SNRNP48: variants seen among roughly 807,000 people sequenced by gnomAD.
SNRNP48 encodes the protein small nuclear ribonucleoprotein U11/U12 subunit 48, also known as U11/U12 small nuclear ribonucleoprotein 48 kDa protein.
SNRNP48 carries 43 observed loss-of-function variants against 47.0 expected under a neutral mutation model. The ratio of observed to expected loss-of-function variants is 0.92; its 90% CI spans 0.72 to 1.18. The LOEUF is 1.18. Ranked by LOEUF, SNRNP48 falls within the 50% of genes most tolerant of loss-of-function variation. SNRNP48 has a pLI of 0.00. For synonymous variants in SNRNP48, 138 were observed against 144.0 expected, an observed-to-expected ratio of 0.96 and a Z score of 0.30; for missense variants, 396 against 422.2, an observed-to-expected ratio of 0.94 and a Z score of 0.54.
chr6:7,608,757 T>TACTGTTGAATC, intron 8 of SNRNP48, 68 bp from the exon 9 acceptor site: 1 of 815,928 alleles, frequency 1.2e-6, no homozygotes, highest in Non-Finnish European at 1.8e-6. Context: ...ACTGTTGAAT[T>TACTGTTGAATC]ATTTTAAAGC....
chr6:7,592,346 C>A (rs551269052), intron 1 of SNRNP48, among the ~76,000 whole-genome samples: 20 of 150,232 alleles, frequency 1.3e-4, no homozygotes, highest in African/African-American at 3.9e-4. Flanking sequence ...CTTAAAGGTC[C>A]TTGTCAGCCA....
In SNRNP48 at chr6:7,590,308, G is replaced by T; in HGVS notation, c.51G>T (p.Glu17Asp). ...AGGAGCGGCGGCGGCTGCAGGAGGA[G>T]CTGAACGAGTTCGTGGAGAGCGGCT... is the stretch of plus-strand genomic sequence containing the variant. ...PVEERRRLQE[E>D]LNEFVESGCR... is the part of the protein sequence containing the mutation. The change falls in exon 1 of 9, where the codon GAG becomes GAT. Residue 17 changes from glutamate to aspartate, a missense_variant. Coordinates refer to ENST00000342415, the MANE Select transcript of SNRNP48 (RefSeq NM_152551.4). 1 of 1,396,276 alleles carries T rather than the reference G, an allele frequency of 7.2e-7. No homozygotes were observed. The highest frequency in any genetic ancestry group is 9.4e-7 in the Non-Finnish European group (1 of 1,061,052). The allele number at this position is 1,396,276 out of a possible 1,614,324, so 86.5% of individuals were successfully genotyped here. A position where few individuals can be genotyped will look rare whatever the true frequency, so the allele number is the denominator to read the frequency against.
At chr6:7,601,030 A>G (rs1760008747) in intron 4 of SNRNP48, 1 of 202,656 alleles carries the variant, frequency 4.9e-6, no homozygotes, top group African/African-American at 2.3e-5. Context: ...TGTTACCCAA[A>G]AGGCTTTCTT....
chr6:7,603,557 T>TA (rs965357035), intron 6 of SNRNP48, among the ~76,000 whole-genome samples: 1 of 152,220 alleles, frequency 6.6e-6, no homozygotes, highest in Admixed American at 6.5e-5. Context: ...TAATTATTCT[T>TA]ACCTCCATGC....
intron 3 of SNRNP48, 30 bp from the exon 4 acceptor site, chr6:7,594,997 T>C (rs766699395): frequency 8.4e-6 from 13 of 1,546,162 alleles, no homozygotes; most frequent in Non-Finnish European, 1.1e-5. Context: ...TGATTCATAT[T>C]GTATTTATGG....
chr6:7,590,377 A>G lies in SNRNP48; in HGVS notation c.120A>G (p.Leu40=), dbSNP rs1759793124. 1.5e-6 allele frequency: 2 copies of G among 1,360,494 alleles called. No homozygotes were observed. The highest frequency in any genetic ancestry group is 3.0e-5 in the African/African-American group (2 of 67,384). 84.3% of individuals were successfully genotyped at this position (1,360,494 alleles called of 1,614,324 possible). ...TGACCGCGTCCCTGGGCTGGGACCT[A>G]GATAGTCTGGATCCCGGGGAAGAGG... ...EEVTASLGWD[L]DSLDPGEEEA... Residue 40 remains leucine, a synonymous_variant, in exon 1 of 9, where the codon CTA becomes CTG. Coordinates refer to ENST00000342415, the MANE Select transcript of SNRNP48 (RefSeq NM_152551.4).
intron 2 of SNRNP48, 81 bp downstream of exon 2, chr6:7,593,928 G>A: frequency 8.6e-7 from 1 of 1,164,110 alleles, no homozygotes; most frequent in Non-Finnish European, 1.2e-6. Context: ...AAGTTACAAT[G>A]TGAGGTTCAC....
chr6:7,590,338 G>A lies in SNRNP48; in HGVS notation c.81G>A (p.Arg27=). ...ELNEFVESGC[R]TLEEVTASLG... ...ACGAGTTCGTGGAGAGCGGCTGCCG[G>A]ACGTTGGAGGAGGTGACCGCGTCCC... Residue 27 remains arginine, a synonymous_variant, in exon 1 of 9, where the codon CGG becomes CGA. Transcript: ENST00000342415. 2 of 1,402,600 alleles carry A rather than the reference G, an allele frequency of 1.4e-6. No individual in the cohort carries two copies. Among genetic ancestry groups the A allele is most frequent in the Non-Finnish European group, 1.9e-6 (2 of 1,065,112 alleles). 86.9% of individuals were successfully genotyped at this position (1,402,600 alleles called of 1,614,324 possible).
rs929588252 is a variant in SNRNP48, at chr6:7,609,097, T to A, written c.*224T>A. 6.9e-6 allele frequency: 2 copies of A among 289,390 alleles called. No individual in the cohort carries two copies. The highest frequency in any genetic ancestry group is 4.3e-5 in the African/African-American group (2 of 46,128). The allele number at this position is 289,390 out of a possible 1,614,324, so 17.9% of individuals were successfully genotyped here. A position where few individuals can be genotyped will look rare whatever the true frequency, so the allele number is the denominator to read the frequency against. On this transcript the variant is annotated 3_prime_UTR_variant, in exon 9 of 9. Transcript: ENST00000342415. ...TTTGTTTTCCTTATATTTTATTAGA[T>A]GATTTGCTTCCTATAACTGATGTTG...
At chr6:7,601,096 T>G in intron 4 of SNRNP48, 1 of 331,582 alleles carries the variant, frequency 3.0e-6, no homozygotes, top group East Asian at 5.8e-5. Flanking sequence ...TCTGTCTTTA[T>G]ATTGTTGGAG....
At position 7,594,139 on chromosome 6, in the gene SNRNP48, A is replaced by G; in HGVS notation, c.311A>G (p.Lys104Arg). The G allele has an allele frequency of 7.1e-7, 1 of 1,414,372 alleles. No individual in the cohort carries two copies. 87.6% of individuals were successfully genotyped at this position (1,414,372 alleles called of 1,614,324 possible). Residue 104 changes from lysine to arginine, a missense_variant, in exon 3 of 9, where the codon AAG (lysine) becomes AGG (arginine). By Grantham distance (26) the Lys-to-Arg change is conservative. Coordinates refer to ENST00000342415, the MANE Select transcript of SNRNP48 (RefSeq NM_152551.4). ...CCTGAGTTTTTCTATGAAAATGTGA[A>G]GATACCTTCGATTACTTTGAGTAAG... is the stretch of plus-strand genomic sequence containing the variant. ...YNPEFFYENV[K>R]IPSITLNKDS...
chr6:7,601,151 A>G (rs2113719913), intron 4 of SNRNP48, 185 bp from the exon 5 acceptor site: 1 of 457,306 alleles, frequency 2.2e-6, no homozygotes, highest in Non-Finnish European at 3.8e-6. Flanking sequence ...TTTTGTGGAT[A>G]TAACATTCAG....
chr6:7,604,433 T>C (rs1400403044), intron 6 of SNRNP48, among the ~76,000 whole-genome samples: 1 of 152,222 alleles, frequency 6.6e-6, no homozygotes, highest in East Asian at 1.9e-4. Flanking sequence ...GCTTCTCTGT[T>C]GAGAGATGAG....
chr6:7,593,987 T>C, intron 2 of SNRNP48, 112 bp from the exon 3 acceptor site: 2 of 969,724 alleles, frequency 2.1e-6, no homozygotes, highest in East Asian at 2.7e-5. Flanking sequence ...ACTTGCCTAA[T>C]TGCACAAATT....
At chr6:7,594,697 G>A (rs997031835) in intron 3 of SNRNP48, among the ~76,000 whole-genome samples, 1 of 152,206 alleles carries the variant, frequency 6.6e-6, no homozygotes, top group South Asian at 2.1e-4. Flanking sequence ...CAGGCACTTA[G>A]CTGGAGTCAG....
At position 7,611,886 on chromosome 6, in the gene SNRNP48, T is replaced by C. The variant is rs1446640400; in HGVS notation, c.*3013T>C. The C allele has an allele frequency of 6.6e-6, 1 of 152,244 alleles. No homozygotes were observed. The highest frequency in any genetic ancestry group is 1.5e-5 in the Non-Finnish European group (1 of 68,048). The allele number at this position is 152,244 out of a possible 1,614,324, so 9.4% of individuals were successfully genotyped here. A position where few individuals can be genotyped will look rare whatever the true frequency, so the allele number is the denominator to read the frequency against. On this transcript the variant is annotated 3_prime_UTR_variant, in exon 9 of 9. Coordinates refer to ENST00000342415, the MANE Select transcript of SNRNP48 (RefSeq NM_152551.4). ...TGAGTGTGTTTACAAGTCAATTTCCTTTTATGTAGCTTGCTTTTTCATTTG... is the reference window on the plus strand; with the variant it reads ...TGAGTGTGTTTACAAGTCAATTTCCCTTTATGTAGCTTGCTTTTTCATTTG...
intron 1 of SNRNP48, among the ~76,000 whole-genome samples, chr6:7,590,624 C>T (rs1759799605): frequency 6.6e-6 from 1 of 152,318 alleles, no homozygotes; most frequent in South Asian, 2.1e-4. Context: ...GCGCGAGGAA[C>T]TCCCGAAGGC....
Position 7,593,944 on chromosome 6 carries a change from AAAT to A in SNRNP48, c.270+102_270+104del, listed in dbSNP as rs1410338144. 1.5e-5 allele frequency: 16 copies of A among 1,049,108 alleles called. No homozygotes were observed. The East Asian group carries it at 3.0e-4, about 19-fold the overall frequency. The allele number at this position is 1,049,108 out of a possible 1,614,324, so 65.0% of individuals were successfully genotyped here. ...AGTTACAATGTGAGGTTCACTGACAAAATAATAGCCCTTACTTGAAGGGTTGGT... is the reference window on the plus strand; with the variant it reads ...AGTTACAATGTGAGGTTCACTGACAAAATAGCCCTTACTTGAAGGGTTGGT... On this transcript the variant is annotated intron_variant, in intron 2 of 8. Coordinates refer to ENST00000342415, the MANE Select transcript of SNRNP48 (RefSeq NM_152551.4).
intron 8 of SNRNP48, among the ~76,000 whole-genome samples, chr6:7,606,599 C>G (rs1372197390): frequency 6.6e-6 from 1 of 152,102 alleles, no homozygotes; most frequent in Admixed American, 6.5e-5. Flanking sequence ...TATGTAGGGT[C>G]AGAGAGAACA....
Sources: allele counts gnomAD v4.1 joint callset (sites outside exome capture counted in the v4.1 genomes callset), GRCh38; gene constraint gnomAD v4.1.1; transcripts MANE v1.5; gene names NCBI Gene and HGNC (gene_info 2026-07-23, HGNC 2026-07-21).